PCDH11X: variants seen among roughly 807,000 people sequenced by gnomAD.
PCDH11X encodes the protein protocadherin-11 X-linked.
PCDH11X carries 18 observed loss-of-function variants against 53.3 expected under a neutral mutation model. The ratio of observed to expected loss-of-function variants is 0.34; its 90% CI spans 0.23 to 0.50. The LOEUF (loss-of-function observed/expected upper bound fraction) is 0.50, where lower values mean the gene tolerates loss of function less well. Among genes scored for constraint, PCDH11X ranks in the 20% least tolerant of loss-of-function variants. The pLI, the probability that PCDH11X is intolerant of heterozygous loss-of-function variation, is 0.98. For missense variants in PCDH11X, 570 were observed against 1,032.4 expected, an observed-to-expected ratio of 0.55 and a Z score of 6.14; for synonymous variants, 279 against 393.3, an observed-to-expected ratio of 0.71 and a Z score of 3.44.
intron 1 of PCDH11X, among the ~76,000 whole-genome samples, chrX:91,807,257 A>T (rs185954141): frequency 9.1e-6 from 1 of 110,088 alleles, no homozygotes; most frequent in African/African-American, 3.3e-5. Context: ...AGGTAGGAGG[A>T]TTGGTCAAGC....
chrX:92,142,669 C>CA (rs1491485771), intron 6 of PCDH11X, among the ~76,000 whole-genome samples: 1 of 111,455 alleles, frequency 9.0e-6, no homozygotes, highest in African/African-American at 3.3e-5. Context: ...TGCACACACA[C>CA]CCACACACCC....
At chrX:91,817,107 T>C (rs1936479246) in intron 4 of PCDH11X, among the ~76,000 whole-genome samples, 1 of 111,468 alleles carries the variant, frequency 9.0e-6, no homozygotes, top group South Asian at 3.8e-4. Context: ...TTTTTATGTC[T>C]CAGATACAGT....
intron 6 of PCDH11X, among the ~76,000 whole-genome samples, chrX:92,183,889 A>G (rs2066043477): frequency 9.0e-6 from 1 of 111,669 alleles, no homozygotes; most frequent in Non-Finnish European, 1.9e-5. Flanking sequence ...TGATCACTCT[A>G]TGTAAAATAG....
At chrX:92,418,313 G>C (rs754885320) in intron 9 of PCDH11X, among the ~76,000 whole-genome samples, 1 of 110,715 alleles carries the variant, frequency 9.0e-6, no homozygotes, top group East Asian at 2.8e-4. Context: ...TAAACGGCCA[G>C]GTAATCACAA....
At chrX:92,395,067 C>T (rs993822363) in intron 9 of PCDH11X, among the ~76,000 whole-genome samples, 1 of 111,152 alleles carries the variant, frequency 9.0e-6, no homozygotes, top group African/African-American at 3.3e-5. Context: ...CCAATTTTTT[C>T]TCTCTCTTAA....
At chrX:92,560,103 T>G (rs1238491199) in intron 10 of PCDH11X, among the ~76,000 whole-genome samples, 1 of 111,928 alleles carries the variant, frequency 8.9e-6, no homozygotes, top group African/African-American at 3.2e-5. Context: ...ATTATGCATT[T>G]TGGATACCAG....
intron 8 of PCDH11X, among the ~76,000 whole-genome samples, chrX:92,301,267 G>C (rs1459335162): frequency 3.7e-5 from 4 of 107,535 alleles, no homozygotes; most frequent in Non-Finnish European, 7.7e-5. Flanking sequence ...GGCCAGGGTG[G>C]GGACCCAGGA....
At chrX:92,022,750 A>G (rs760622077) in intron 6 of PCDH11X, among the ~76,000 whole-genome samples, 1 of 111,769 alleles carries the variant, frequency 8.9e-6, no homozygotes, top group Non-Finnish European at 1.9e-5. Context: ...ACTTATTCTA[A>G]AATCAACCAC....
intron 5 of PCDH11X, among the ~76,000 whole-genome samples, chrX:91,838,654 A>C (rs1458266556): frequency 9.1e-6 from 1 of 109,643 alleles, no homozygotes; most frequent in Non-Finnish European, 1.9e-5. Flanking sequence ...TACAATGTGA[A>C]ATAAGTAGGC....
Position 92,335,479 on chromosome X carries a change from A to G in PCDH11X, c.3145-52256A>G, listed in dbSNP as rs371677450. ...AGTGAAAATCAAGGCGTTTGAAGGA[A>G]ATCGAAATCTATTTATCTCGAATGG... On this transcript the variant is annotated intron_variant, in intron 8 of 10. Coordinates refer to ENST00000682573, the MANE Select transcript of PCDH11X (RefSeq NM_032968.5). Among the ~76,000 whole-genome samples the G allele has an allele frequency of 3.7e-4, 40 of 108,770 alleles. 4 individuals carry two copies. Among genetic ancestry groups the G allele is most frequent in the East Asian group, 3.2e-3 (11 of 3,406 alleles). The allele number at this position is 108,770 out of a possible 115,157, so 94.5% of individuals were successfully genotyped here.
chrX:92,553,645 G>A (rs1165259980), intron 10 of PCDH11X, among the ~76,000 whole-genome samples: 21 of 109,194 alleles, frequency 1.9e-4, no homozygotes, highest in Non-Finnish European at 3.8e-4. Context: ...TCTTTAAGAC[G>A]CATCATTAGA....
At chrX:92,273,233 T>A (rs893692364) in intron 8 of PCDH11X, among the ~76,000 whole-genome samples, 13 of 108,039 alleles carry the variant, frequency 1.2e-4, no homozygotes, top group Admixed American at 3.0e-4. Context: ...TTTGGGAAGG[T>A]AATGGAAAAT....
At chrX:92,402,390 C>T (rs899082059) in intron 9 of PCDH11X, among the ~76,000 whole-genome samples, 6 of 111,485 alleles carry the variant, frequency 5.4e-5, no homozygotes, top group Non-Finnish European at 9.4e-5. Context: ...AACTATAGTA[C>T]AAGGATCCAG....
At chrX:91,984,508 T>C (rs1161453834) in intron 6 of PCDH11X, among the ~76,000 whole-genome samples, 1 of 106,921 alleles carries the variant, frequency 9.4e-6, no homozygotes, top group Non-Finnish European at 1.9e-5. Flanking sequence ...TGAGCTAATC[T>C]TCAGAGATAA....
chrX:92,550,518 T>C (rs2074934617), intron 10 of PCDH11X, among the ~76,000 whole-genome samples: 1 of 109,527 alleles, frequency 9.1e-6, no homozygotes, highest in African/African-American at 3.3e-5. Context: ...GCATGCAATA[T>C]GTAATAATCA....
chrX:92,017,453 C>A (rs1338998293), intron 6 of PCDH11X, among the ~76,000 whole-genome samples: 1 of 107,379 alleles, frequency 9.3e-6, no homozygotes, highest in Admixed American at 1.0e-4. Context: ...AATCCCAACA[C>A]TTTGGGAGGC....
chrX:91,905,281 C>A (rs180905740), intron 6 of PCDH11X, among the ~76,000 whole-genome samples: 6 of 109,227 alleles, frequency 5.5e-5, no homozygotes, highest in African/African-American at 2.0e-4. Context: ...AGGTGTGCAC[C>A]ACCATGCCCA....
At chrX:92,489,832 T>G (rs1603344660) in intron 10 of PCDH11X, among the ~76,000 whole-genome samples, 1 of 104,429 alleles carries the variant, frequency 9.6e-6, no homozygotes, top group East Asian at 2.9e-4. Context: ...TCCATTAAAT[T>G]GCTAATATTA....
chrX:92,287,371 T>A (rs999400434), intron 8 of PCDH11X, among the ~76,000 whole-genome samples: 1 of 111,234 alleles, frequency 9.0e-6, no homozygotes, highest in East Asian at 2.8e-4. Context: ...TGGTGTGTGT[T>A]GTTCCTGCCT....
Sources: allele counts gnomAD v4.1 joint callset (sites outside exome capture counted in the v4.1 genomes callset), GRCh38; gene constraint gnomAD v4.1.1; transcripts MANE v1.5; gene names NCBI Gene and HGNC (gene_info 2026-07-23, HGNC 2026-07-21).